MAP4K4: variants seen among roughly 807,000 people sequenced by gnomAD.
MAP4K4 encodes HPK/GCK-like kinase HGK.
Under a neutral mutation model 189.6 loss-of-function variants are expected in MAP4K4, and 38 were observed. The observed-to-expected ratio is 0.20, with a 90% confidence interval of 0.15 to 0.26. The LOEUF (loss-of-function observed/expected upper bound fraction) is 0.26. Ranked by LOEUF, MAP4K4 falls within the 10% of genes least tolerant of loss-of-function variation. MAP4K4 has a pLI of 1.00. For synonymous variants in MAP4K4, 610 were observed against 624.3 expected (o/e 0.98, Z 0.34); for missense variants, 1,054 against 1,726.9 (o/e 0.61, Z 6.91).
intron 2 of MAP4K4, among the ~76,000 whole-genome samples, chr2:101,762,069 C>T (rs963584985): frequency 6.6e-6 from 1 of 152,070 alleles, no homozygotes; most frequent in Non-Finnish European, 1.5e-5. Context: ...AAAATAGAAC[C>T]GGGAGTCTAT....
chr2:101,737,715 G>A (rs890216855), intron 2 of MAP4K4, among the ~76,000 whole-genome samples: 1 of 151,420 alleles, frequency 6.6e-6, no homozygotes, highest in Non-Finnish European at 1.5e-5. Flanking sequence ...TCTGGAACAG[G>A]TGACTCAGAT....
intron 3 of MAP4K4, among the ~76,000 whole-genome samples, chr2:101,801,070 A>G (rs534586731): frequency 6.6e-6 from 1 of 152,184 alleles, no homozygotes; most frequent in Non-Finnish European, 1.5e-5. Context: ...TCACCATCCC[A>G]TCTCCTTTCC....
intron 6 of MAP4K4, among the ~76,000 whole-genome samples, chr2:101,831,045 G>C (rs981523035): frequency 2.0e-5 from 3 of 152,176 alleles, no homozygotes; most frequent in Admixed American, 6.5e-5. Flanking sequence ...GGCAGTGTGC[G>C]TAGTGATAGT....
At chr2:101,768,302 C>G (rs189533276) in intron 2 of MAP4K4, among the ~76,000 whole-genome samples, 84 of 152,284 alleles carry the variant, frequency 5.5e-4, no homozygotes, top group Non-Finnish European at 1.0e-3. Context: ...AGTAACTGAG[C>G]ATCGTGATAT....
At chr2:101,792,138 C>T (rs1450709765) in intron 3 of MAP4K4, among the ~76,000 whole-genome samples, 1 of 152,114 alleles carries the variant, frequency 6.6e-6, no homozygotes, top group East Asian at 1.9e-4. Context: ...ATGAAGTACC[C>T]TCTTTGTGAA....
chr2:101,773,565 C>T (rs2082478871), intron 2 of MAP4K4, among the ~76,000 whole-genome samples: 1 of 152,174 alleles, frequency 6.6e-6, no homozygotes, highest in Non-Finnish European at 1.5e-5. Context: ...TATCCATCCC[C>T]TCATGCATTT....
At chr2:101,727,579 G>A (rs1294049726) in intron 2 of MAP4K4, among the ~76,000 whole-genome samples, 1 of 152,138 alleles carries the variant, frequency 6.6e-6, no homozygotes, top group African/African-American at 2.4e-5. Context: ...AATTTTGGGG[G>A]GAAGTATATA....
chr2:101,773,246 A>G (rs10175849), intron 2 of MAP4K4, among the ~76,000 whole-genome samples: 14,971 of 152,248 alleles, frequency 0.098, 2,096 homozygotes, highest in African/African-American at 0.31. Context: ...TTGCTTGACA[A>G]TGTGGTAAGA....
At chr2:101,738,577 T>C (rs948109720) in intron 2 of MAP4K4, among the ~76,000 whole-genome samples, 1 of 152,216 alleles carries the variant, frequency 6.6e-6, no homozygotes, top group Non-Finnish European at 1.5e-5. Context: ...AATAGTGATC[T>C]GCAGAAGGTT....
intron 2 of MAP4K4, among the ~76,000 whole-genome samples, chr2:101,744,261 T>C (rs2064146351): frequency 6.6e-6 from 1 of 152,220 alleles, no homozygotes; most frequent in African/African-American, 2.4e-5. Context: ...ATTTAACCTA[T>C]TTTAGCCATA....
chr2:101,774,093 G>A (rs1222554488), intron 2 of MAP4K4, among the ~76,000 whole-genome samples: 2 of 152,168 alleles, frequency 1.3e-5, no homozygotes, highest in African/African-American at 4.8e-5. Context: ...TGGGATTACT[G>A]GATCATATGG....
At position 101,887,949 on chromosome 2, in the gene MAP4K4, T is replaced by C. The variant is rs1285345714; in HGVS notation, c.3931+12T>C. The stretch of plus-strand genomic sequence containing the variant: ...GCCTACATCAGTAGGTATGGAGAAC[T>C]TGGGGAAAGGCAGCATTTGTGAAAA... On this transcript the variant is annotated intron_variant, in intron 31 of 32. Coordinates refer to ENST00000324219, the Ensembl canonical transcript of MAP4K4. The C allele has an allele frequency of 6.4e-7, 1 of 1,570,648 alleles. No individual in the cohort carries two copies. Among genetic ancestry groups the C allele is most frequent in the East Asian group, 2.3e-5 (1 of 44,070 alleles).
exon 33 of MAP4K4, chr2:101,891,426 C>G (rs899358944): frequency 1.7e-6 from 1 of 571,450 alleles, no homozygotes; most frequent in Non-Finnish European, 3.1e-6. Flanking sequence ...CCAGTTTATC[C>G]CCATTCTTTT....
At chr2:101,823,683 G>A (rs144474330) in intron 3 of MAP4K4, among the ~76,000 whole-genome samples, 5 of 152,198 alleles carry the variant, frequency 3.3e-5, no homozygotes, top group African/African-American at 9.6e-5. Flanking sequence ...CAGTCCCCTC[G>A]CACTATCCCT....
At chr2:101,703,820 T>C (rs939314655) in intron 2 of MAP4K4, among the ~76,000 whole-genome samples, 1 of 151,294 alleles carries the variant, frequency 6.6e-6, no homozygotes, top group African/African-American at 2.4e-5. Context: ...AAGACCAGCC[T>C]GTCAACATGG....
chr2:101,851,724 C>CTTTTTTTTTTTTTTTTTTTTTTTT (rs36217584), intron 12 of MAP4K4, among the ~76,000 whole-genome samples: 1 of 67,912 alleles, frequency 1.5e-5, no homozygotes, highest in Non-Finnish European at 3.4e-5. Flanking sequence ...TAACTGTCCT[C>CTTTTTTTTTTTTTTTTTTTTTTTT]TTTTTTTTTT....
At chr2:101,823,394 G>T (rs577795843) in intron 3 of MAP4K4, among the ~76,000 whole-genome samples, 2 of 152,270 alleles carry the variant, frequency 1.3e-5, no homozygotes, top group African/African-American at 2.4e-5. Context: ...TGAGCACACC[G>T]TCACAGACTA....
chr2:101,820,362 A>G (rs116090760), intron 3 of MAP4K4, among the ~76,000 whole-genome samples: 170 of 152,350 alleles, frequency 1.1e-3, no homozygotes, highest in African/African-American at 3.8e-3. Flanking sequence ...TGGACAGTCC[A>G]GTAAAGTTCA....
chr2:101,808,875 C>T (rs1006091416), intron 3 of MAP4K4, among the ~76,000 whole-genome samples: 5 of 151,876 alleles, frequency 3.3e-5, no homozygotes, highest in African/African-American at 1.2e-4. Context: ...ATAATGTACT[C>T]ATCTAGAAAA....
Sources: gnomAD v4.1 joint callset for allele counts (sites outside exome capture counted in the v4.1 genomes callset) on GRCh38, gnomAD v4.1.1 for gene constraint, MANE v1.5 for transcripts, NCBI Gene and HGNC (gene_info 2026-07-23, HGNC 2026-07-21) for gene names.